ZCCHC14: variants seen among roughly 807,000 people sequenced by gnomAD.
ZCCHC14 encodes zinc finger CCHC-type containing 14, also known as zinc finger CCHC domain-containing protein 14.
In ZCCHC14, 16 loss-of-function variants were observed where a neutral mutation model predicts 85.0. The ratio of observed to expected loss-of-function variants is 0.19; its 90% CI spans 0.13 to 0.29. The LOEUF (loss-of-function observed/expected upper bound fraction) is 0.29. Ranked by LOEUF, ZCCHC14 falls within the 10% of genes least tolerant of loss-of-function variation. The probability of loss-of-function intolerance (pLI) is 1.00; values close to 1 mark genes in which losing one functional copy is unlikely to be tolerated. For missense variants in ZCCHC14, 1,303 were observed against 1,443.5 expected, an observed-to-expected ratio of 0.90 and a Z score of 1.58; for synonymous variants, 775 against 630.7, an observed-to-expected ratio of 1.23 and a Z score of -3.43.
intron 2 of ZCCHC14, among the ~76,000 whole-genome samples, chr16:87,435,685 G>A (rs545301402): frequency 2.3e-4 from 35 of 152,372 alleles, no homozygotes; most frequent in African/African-American, 7.7e-4. Flanking sequence ...CGCTCCCAGC[G>A]GCACCACCTG....
intron 8 of ZCCHC14, among the ~76,000 whole-genome samples, chr16:87,416,853 G>C (rs1479729266): frequency 1.3e-5 from 2 of 152,154 alleles, no homozygotes; most frequent in African/African-American, 2.4e-5. Context: ...TTGATTTCTA[G>C]GTTCAATTGT....
intron 2 of ZCCHC14, among the ~76,000 whole-genome samples, chr16:87,435,032 A>T (rs1597416387): frequency 1.3e-5 from 2 of 151,950 alleles, no homozygotes; most frequent in Non-Finnish European, 2.9e-5. Context: ...TTTTGGGAAA[A>T]AAAAATCTCA....
chr16:87,450,114 G>C (rs1910625366), intron 2 of ZCCHC14, among the ~76,000 whole-genome samples: 1 of 152,154 alleles, frequency 6.6e-6, no homozygotes, highest in African/African-American at 2.4e-5. Context: ...TCATATACAA[G>C]ACAACCAAAT....
chr16:87,478,797 G>C (rs111759625), intron 1 of ZCCHC14, among the ~76,000 whole-genome samples: 10,681 of 151,820 alleles, frequency 0.07, 450 homozygotes, highest in Non-Finnish European at 0.1. Context: ...AGTAGAGATG[G>C]GGTTTTACCA....
intron 1 of ZCCHC14, among the ~76,000 whole-genome samples, chr16:87,485,148 G>A (rs572358273): frequency 1.3e-5 from 2 of 152,298 alleles, no homozygotes; most frequent in African/African-American, 4.8e-5. Context: ...GAACGGCTGG[G>A]TCCAGGGCTT....
Position 87,420,807 on chromosome 16 carries a change from T to A in ZCCHC14, c.841-91A>T. The A allele has an allele frequency of 9.5e-7, 1 of 1,057,234 alleles. No individual in the cohort carries two copies. The highest frequency in any genetic ancestry group is 1.4e-6 in the Non-Finnish European group (1 of 728,284). 65.5% of individuals were successfully genotyped at this position (1,057,234 alleles called of 1,614,324 possible). ...CTGCAGGAAAACCTGGGGCAGGTGC[T>A]CCATGGTGCCGCCTGCTGGTCTGAT... On this transcript the variant is annotated intron_variant, in intron 4 of 12. Transcript: ENST00000671377. This position sits in a 1 kb window ranked among gnomAD's most constrained non-coding sequence, Gnocchi z 5.0.
chr16:87,442,899 T>G (rs1910253891), intron 2 of ZCCHC14, among the ~76,000 whole-genome samples: 1 of 152,174 alleles, frequency 6.6e-6, no homozygotes, highest in South Asian at 2.1e-4. Context: ...TAACTCTACA[T>G]CCAGTCAAGG....
At position 87,418,211 on chromosome 16, in the gene ZCCHC14, A is replaced by G. The variant is rs115579764; in HGVS notation, c.1101-469T>C. 4.5e-3 allele frequency among the ~76,000 whole-genome samples: 690 copies of G among 152,332 alleles called. 4 individuals are homozygous for G. The highest frequency in any genetic ancestry group is 0.015 in the African/African-American group (633 of 41,576). On this transcript the variant is annotated intron_variant, in intron 7 of 12. Transcript: ENST00000671377. ...AATCATACATCAAAATAGACTATTA[A>G]ATCTTTAATGTTCAAATACAATTTT...
At chr16:87,453,311 A>C (rs1466701115) in intron 2 of ZCCHC14, among the ~76,000 whole-genome samples, 1 of 152,260 alleles carries the variant, frequency 6.6e-6, no homozygotes, top group Admixed American at 6.5e-5. Flanking sequence ...TCTGGGGAAA[A>C]AAATGTATTT....
intron 1 of ZCCHC14, among the ~76,000 whole-genome samples, chr16:87,484,283 G>T (rs1416671205): frequency 6.6e-6 from 1 of 152,154 alleles, no homozygotes; most frequent in African/African-American, 2.4e-5. Context: ...GTGGGAGAAG[G>T]GACTTTCCAT....
At chr16:87,439,940 C>T (rs117719625) in intron 2 of ZCCHC14, among the ~76,000 whole-genome samples, 2,520 of 152,286 alleles carry the variant, frequency 0.017, 25 homozygotes, top group Middle Eastern at 0.044. Flanking sequence ...AAACATTTTC[C>T]CACACAATTT....
At chr16:87,419,048 C>A (rs772123343) in intron 6 of ZCCHC14, 147 bp from the exon 7 acceptor site, 8 of 696,010 alleles carry the variant, frequency 1.1e-5, no homozygotes, top group Non-Finnish European at 1.8e-5. Flanking sequence ...CCTCTGCCTC[C>A]CGGGTTCAAG....
intron 2 of ZCCHC14, among the ~76,000 whole-genome samples, chr16:87,445,068 A>T (rs1044613522): frequency 4.6e-5 from 5 of 109,292 alleles, no homozygotes; most frequent in African/African-American, 1.3e-4. Context: ...TTTCAAAATA[A>T]ACTTTTTTTT....
rs908492748 is a variant in ZCCHC14, at chr16:87,413,498, A to T, written c.1604-303T>A. Among the ~76,000 whole-genome samples, 3 of 150,604 alleles carry T rather than the reference A, an allele frequency of 2.0e-5. No individual in the cohort carries two copies. In the East Asian group the frequency reaches 5.9e-4, roughly 29 times the overall value. On this transcript the variant is annotated intron_variant, in intron 10 of 12. Coordinates refer to ENST00000671377, the MANE Select transcript of ZCCHC14 (RefSeq NM_015144.3). ...AGGAACTATCACAACACTACACCGC[A>T]CCCCATCTCACGAGGCCGGCCGAGT...
intron 1 of ZCCHC14, among the ~76,000 whole-genome samples, chr16:87,465,149 C>G (rs1911461135): frequency 6.6e-6 from 1 of 152,242 alleles, no homozygotes. Context: ...TGGAAGCGCC[C>G]CTGTGCCTTC....
chr16:87,484,575 A>C (rs1371618026), intron 1 of ZCCHC14, among the ~76,000 whole-genome samples: 1 of 152,244 alleles, frequency 6.6e-6, no homozygotes, highest in Non-Finnish European at 1.5e-5. Flanking sequence ...TCTTGAAAGA[A>C]CATGTGAACA....
At chr16:87,434,899 G>T (rs1909839203) in intron 2 of ZCCHC14, among the ~76,000 whole-genome samples, 1 of 151,142 alleles carries the variant, frequency 6.6e-6, no homozygotes, top group Non-Finnish European at 1.5e-5. Context: ...GCTGAGGCAG[G>T]AGAATTGCTT....
rs746454671 is a variant in ZCCHC14 at position 87,418,277 on chromosome 16, G to A, written c.1101-535C>T. Among the ~76,000 whole-genome samples, 20 of 152,200 alleles carry A rather than the reference G, an allele frequency of 1.3e-4. 1 individual carries two copies. The South Asian group carries it at 1.4e-3, about 11-fold the overall frequency. On this transcript the variant is annotated intron_variant, in intron 7 of 12. Transcript: ENST00000671377. ...CGCAGAAGGCTGGAAGGTGTGACCGGCACTCCACTCTGGCCTTGCTCCTTA... is the reference window on the plus strand; with the variant it reads ...CGCAGAAGGCTGGAAGGTGTGACCGACACTCCACTCTGGCCTTGCTCCTTA...
chr16:87,420,591 C>T lies in ZCCHC14; in HGVS notation c.950+16G>A. 6.2e-7 allele frequency: 1 copy of T among 1,605,940 alleles called. No homozygotes were observed. Among genetic ancestry groups the T allele is most frequent in the East Asian group, 2.2e-5 (1 of 44,736 alleles). ...TGCCAGCTGTGGACGCGCCGGGTGC[C>T]TGGTAAGGGCCTCACCTCAGGCCTG... On this transcript the variant is annotated intron_variant, in intron 5 of 12. Coordinates refer to ENST00000671377, the MANE Select transcript of ZCCHC14 (RefSeq NM_015144.3). The surrounding 1 kb of genome is among the most constrained non-coding windows in gnomAD (Gnocchi z 5.0).
Sources: allele counts gnomAD v4.1 joint callset (sites outside exome capture counted in the v4.1 genomes callset), GRCh38; gene constraint gnomAD v4.1.1; non-coding constraint Gnocchi (gnomAD v3.1); transcripts MANE v1.5; gene names NCBI Gene and HGNC (gene_info 2026-07-23, HGNC 2026-07-21).